MSI2: variants seen among roughly 807,000 people sequenced by gnomAD.
MSI2 encodes the protein musashi RNA binding protein 2, also known as RNA-binding protein Musashi homolog 2.
MSI2 carries 17 observed loss-of-function variants against 45.6 expected under a neutral mutation model. The ratio of observed to expected loss-of-function variants is 0.37; its 90% CI spans 0.26 to 0.56. MSI2 has a LOEUF of 0.56. MSI2 is among the 20% of genes least tolerant of loss of function. The probability of loss-of-function intolerance (pLI) is 0.77; values close to 1 mark genes in which losing one functional copy is unlikely to be tolerated. For synonymous variants in MSI2, 156 were observed against 158.2 expected (o/e 0.99, Z 0.11); for missense variants, 293 against 444.2 (o/e 0.66, Z 3.06).
intron 6 of MSI2, among the ~76,000 whole-genome samples, chr17:57,438,681 G>A (rs2143444444): frequency 6.6e-6 from 1 of 152,284 alleles, no homozygotes; most frequent in South Asian, 2.1e-4. Context: ...CAGTATTTTA[G>A]GAGGGGGAAA....
At chr17:57,556,596 G>A (rs1278881980) in intron 7 of MSI2, among the ~76,000 whole-genome samples, 1 of 152,202 alleles carries the variant, frequency 6.6e-6, no homozygotes, top group Non-Finnish European at 1.5e-5. Context: ...GGCTCCTGAG[G>A]CAAGCTCATA....
chr17:57,328,682 G>T (rs907575736), intron 5 of MSI2, among the ~76,000 whole-genome samples: 3 of 151,372 alleles, frequency 2.0e-5, no homozygotes, highest in Non-Finnish European at 4.4e-5. Context: ...TTGGACAGCT[G>T]TGTGGCTCAG....
intron 5 of MSI2, among the ~76,000 whole-genome samples, chr17:57,313,905 G>C (rs959971947): frequency 6.6e-6 from 1 of 152,212 alleles, no homozygotes; most frequent in African/African-American, 2.4e-5. Flanking sequence ...AGAGGAGGCT[G>C]TACCTAGGAT....
At chr17:57,354,043 T>A (rs1414366417) in intron 5 of MSI2, among the ~76,000 whole-genome samples, 3 of 152,230 alleles carry the variant, frequency 2.0e-5, no homozygotes, top group Non-Finnish European at 4.4e-5. Flanking sequence ...TACAGTTTTT[T>A]AAAATACACA....
At chr17:57,387,820 G>A (rs2083711357) in intron 5 of MSI2, among the ~76,000 whole-genome samples, 1 of 152,192 alleles carries the variant, frequency 6.6e-6, no homozygotes, top group African/African-American at 2.4e-5. Context: ...GTCACTAGTG[G>A]GGAAGGGAAG....
At chr17:57,415,804 C>T (rs1220498573) in intron 6 of MSI2, among the ~76,000 whole-genome samples, 1 of 152,154 alleles carries the variant, frequency 6.6e-6, no homozygotes, top group Non-Finnish European at 1.5e-5. Context: ...TGCTCCCAGC[C>T]TCTGCCCCCA....
chr17:57,461,019 T>A (rs1257448991), intron 6 of MSI2, among the ~76,000 whole-genome samples: 1 of 152,120 alleles, frequency 6.6e-6, no homozygotes, highest in African/African-American at 2.4e-5. Context: ...TGGTGGAAAG[T>A]TAAATTTGAT....
chr17:57,512,267 AT>A (rs535390058), intron 6 of MSI2, among the ~76,000 whole-genome samples: 22 of 150,950 alleles, frequency 1.5e-4, no homozygotes, highest in East Asian at 3.9e-4. Flanking sequence ...GAGTTGATTA[AT>A]TTTTTTTTTC....
chr17:57,456,903 C>A (rs559979885), intron 6 of MSI2, among the ~76,000 whole-genome samples: 2 of 152,114 alleles, frequency 1.3e-5, no homozygotes, highest in African/African-American at 4.8e-5. Flanking sequence ...GGGAGCAAGG[C>A]GTATTTTCCC....
intron 7 of MSI2, chr17:57,565,883 C>A (rs2087718935): frequency 1.3e-5 from 2 of 152,184 alleles, no homozygotes; most frequent in Non-Finnish European, 1.5e-5. Context: ...ACATGAGACA[C>A]CCCTGTTGCC....
chr17:57,476,692 G>A (rs1252896185), intron 6 of MSI2, among the ~76,000 whole-genome samples: 1 of 152,136 alleles, frequency 6.6e-6, no homozygotes, highest in African/African-American at 2.4e-5. Flanking sequence ...CTGAGGGTTG[G>A]GCACCAAACT....
chr17:57,385,543 C>CCTG (rs1646225020), intron 5 of MSI2, among the ~76,000 whole-genome samples: 1 of 152,136 alleles, frequency 6.6e-6, no homozygotes, highest in Non-Finnish European at 1.5e-5. Context: ...CCCAGCTACT[C>CCTG]ACAAGGCTGA....
At chr17:57,258,833 G>C (rs1462645912) in intron 4 of MSI2, among the ~76,000 whole-genome samples, 2 of 152,172 alleles carry the variant, frequency 1.3e-5, no homozygotes, top group Non-Finnish European at 2.9e-5. Flanking sequence ...CTTGGGATTT[G>C]GAATGTGCTT....
At chr17:57,640,447 C>T (rs1215019340) in intron 10 of MSI2, among the ~76,000 whole-genome samples, 11 of 152,174 alleles carry the variant, frequency 7.2e-5, no homozygotes, top group Non-Finnish European at 1.2e-4. Flanking sequence ...TTCTCAGCTC[C>T]GCTACAGTTA....
intron 9 of MSI2, among the ~76,000 whole-genome samples, chr17:57,622,014 A>G (rs1908332370): frequency 6.6e-6 from 1 of 152,212 alleles, no homozygotes; most frequent in South Asian, 2.1e-4. Context: ...CCTGGCCAAC[A>G]TAGTGAAAAC....
chr17:57,387,479 TAGAG>T (rs2083706120), intron 5 of MSI2, among the ~76,000 whole-genome samples: 1 of 152,186 alleles, frequency 6.6e-6, no homozygotes, highest in Non-Finnish European at 1.5e-5. Context: ...CTTTATCTCA[TAGAG>T]AGTGATCTTC....
At chr17:57,495,402 G>A (rs1000219286) in intron 6 of MSI2, among the ~76,000 whole-genome samples, 1 of 151,816 alleles carries the variant, frequency 6.6e-6, no homozygotes, top group African/African-American at 2.4e-5. Flanking sequence ...GCATGGTGGT[G>A]CACGCCTGTA....
chr17:57,502,272 T>G (rs2086123556), intron 6 of MSI2, among the ~76,000 whole-genome samples: 1 of 152,148 alleles, frequency 6.6e-6, no homozygotes, highest in Admixed American at 6.5e-5. Flanking sequence ...TGAGTTTAAC[T>G]TTTCTCATCT....
intron 7 of MSI2, among the ~76,000 whole-genome samples, chr17:57,533,373 C>A (rs1298642672): frequency 6.6e-6 from 1 of 152,230 alleles, no homozygotes; most frequent in Non-Finnish European, 1.5e-5. Flanking sequence ...GGGGCTCTCA[C>A]CTTTCTCCTT....
Sources: allele counts gnomAD v4.1 joint callset (sites outside exome capture counted in the v4.1 genomes callset), GRCh38; gene constraint gnomAD v4.1.1; transcripts MANE v1.5; gene names NCBI Gene and HGNC (gene_info 2026-07-23, HGNC 2026-07-21).